C8orf34: variants seen among roughly 807,000 people sequenced by gnomAD.
C8orf34 encodes the protein uncharacterized protein C8orf34.
In C8orf34, 65 loss-of-function variants were observed where a neutral mutation model predicts 68.3. That is an observed-to-expected ratio of 0.95 (90% CI 0.78 to 1.17). The LOEUF (loss-of-function observed/expected upper bound fraction) is 1.17. Among genes scored for constraint, C8orf34 ranks in the 50% most tolerant of loss-of-function variants. The pLI, the probability that C8orf34 is intolerant of heterozygous loss-of-function variation, is 0.00. For missense variants in C8orf34, 664 were observed against 655.4 expected (o/e 1.01, Z -0.14); for synonymous variants, 244 against 241.2 (o/e 1.01, Z -0.11).
At chr8:68,733,822 A>C (rs1224469280) in intron 10 of C8orf34, among the ~76,000 whole-genome samples, 1 of 152,196 alleles carries the variant, frequency 6.6e-6, no homozygotes, top group Non-Finnish European at 1.5e-5. Flanking sequence ...ATATTGGGAC[A>C]TCTAGATTCA....
chr8:68,707,076 A>G (rs1448116834), intron 8 of C8orf34, among the ~76,000 whole-genome samples: 1 of 152,146 alleles, frequency 6.6e-6, no homozygotes, highest in Non-Finnish European at 1.5e-5. Flanking sequence ...AAAAACAAAA[A>G]GCAATTTAAC....
chr8:68,331,455 C>A, intron 1 of C8orf34, 116 bp downstream of exon 1: 1 of 1,190,254 alleles, frequency 8.4e-7, no homozygotes, highest in East Asian at 2.6e-5. Context: ...AGAACCAACG[C>A]GCGGGAGAGG....
intron 8 of C8orf34, among the ~76,000 whole-genome samples, chr8:68,669,315 A>G (rs1364612518): frequency 6.6e-6 from 1 of 152,102 alleles, no homozygotes; most frequent in African/African-American, 2.4e-5. Context: ...CCTCCTTTTC[A>G]ATTTTGCTGT....
At chr8:68,811,939 T>C (rs1209187574) in intron 12 of C8orf34, among the ~76,000 whole-genome samples, 2 of 152,160 alleles carry the variant, frequency 1.3e-5, no homozygotes, top group Non-Finnish European at 2.9e-5. Flanking sequence ...GAAATTTCAC[T>C]GTGTCCCTAA....
chr8:68,551,383 T>G (rs1816065999), intron 7 of C8orf34, among the ~76,000 whole-genome samples: 1 of 152,042 alleles, frequency 6.6e-6, no homozygotes, highest in African/African-American at 2.4e-5. Flanking sequence ...AATTTTGCTC[T>G]CTATGCTTTC....
chr8:68,577,966 T>C (rs1261556988), intron 7 of C8orf34, among the ~76,000 whole-genome samples: 1 of 151,894 alleles, frequency 6.6e-6, no homozygotes, highest in African/African-American at 2.4e-5. Context: ...TGTTGTCCTC[T>C]TCTGTGTACT....
chr8:68,781,643 G>C (rs1162275894), intron 11 of C8orf34, among the ~76,000 whole-genome samples: 2 of 152,138 alleles, frequency 1.3e-5, no homozygotes, highest in African/African-American at 4.8e-5. Flanking sequence ...TAGCCTTATG[G>C]GTTGAGCTTT....
At chr8:68,532,825 G>A (rs748510778) in intron 6 of C8orf34, among the ~76,000 whole-genome samples, 158 bp from the exon 7 acceptor site, 7 of 152,120 alleles carry the variant, frequency 4.6e-5, no homozygotes, top group Non-Finnish European at 8.8e-5. Flanking sequence ...CCTTAGTGAG[G>A]TACGGATGGG....
intron 11 of C8orf34, among the ~76,000 whole-genome samples, chr8:68,779,180 AACACACACACACACACACACAC>A (rs10550333): frequency 3.1e-4 from 43 of 139,244 alleles, no homozygotes; most frequent in Admixed American, 1.5e-3. Flanking sequence ...CTGTCTCTGA[AACACACACACACACACACACAC>A]ACACACACAC....
chr8:68,620,845 C>G (rs1818369273), intron 7 of C8orf34, among the ~76,000 whole-genome samples: 1 of 151,046 alleles, frequency 6.6e-6, no homozygotes, highest in Non-Finnish European at 1.5e-5. Flanking sequence ...CAGATTATTT[C>G]TAGAAAATAA....
chr8:68,640,311 T>C, intron 7 of C8orf34, 65 bp from the exon 8 acceptor site: 3 of 1,500,054 alleles, frequency 2.0e-6, no homozygotes, highest in South Asian at 1.2e-5. Context: ...CCTGAAAATA[T>C]GAATTTTTCT....
intron 11 of C8orf34, among the ~76,000 whole-genome samples, chr8:68,779,204 CACACACACACA>C (rs1823606581): frequency 6.6e-6 from 1 of 151,378 alleles, no homozygotes; most frequent in Non-Finnish European, 1.5e-5. Context: ...CACACACACA[CACACACACACA>C]CACACACACA....
chr8:68,380,251 T>A (rs1220936703), intron 1 of C8orf34, among the ~76,000 whole-genome samples: 1 of 152,198 alleles, frequency 6.6e-6, no homozygotes, highest in Non-Finnish European at 1.5e-5. Context: ...TGAATATGCC[T>A]TTAAATTAAA....
intron 1 of C8orf34, among the ~76,000 whole-genome samples, chr8:68,403,579 C>A (rs1007684884): frequency 1.3e-5 from 2 of 152,072 alleles, no homozygotes; most frequent in African/African-American, 4.8e-5. Flanking sequence ...GTTCCCTTCC[C>A]TGTGTCCATG....
intron 7 of C8orf34, among the ~76,000 whole-genome samples, chr8:68,554,031 T>C (rs1205204650): frequency 6.6e-6 from 1 of 152,128 alleles, no homozygotes; most frequent in Non-Finnish European, 1.5e-5. Flanking sequence ...TTAAATGTGC[T>C]CTTTTCTCTG....
intron 8 of C8orf34, among the ~76,000 whole-genome samples, chr8:68,667,342 T>C (rs1224576375): frequency 6.6e-6 from 1 of 152,194 alleles, no homozygotes; most frequent in Admixed American, 6.5e-5. Flanking sequence ...TTAGGTATCT[T>C]CTCTGATTTC....
chr8:68,417,357 A>T (rs1248496654), intron 1 of C8orf34, among the ~76,000 whole-genome samples: 1 of 152,064 alleles, frequency 6.6e-6, no homozygotes, highest in East Asian at 1.9e-4. Context: ...TGCCGTTTGT[A>T]ATAGCAAATT....
intron 7 of C8orf34, chr8:68,534,685 C>T (rs150413438): frequency 1.4e-5 from 14 of 985,178 alleles, no homozygotes; most frequent in African/African-American, 1.7e-5. Flanking sequence ...GGCTGTTTTG[C>T]GATTGTGCTC....
At chr8:68,797,931 AC>A (rs1243653705) in intron 12 of C8orf34, among the ~76,000 whole-genome samples, 1 of 152,112 alleles carries the variant, frequency 6.6e-6, no homozygotes, top group Non-Finnish European at 1.5e-5. Context: ...CTCACACAAC[AC>A]AAATATTTGT....
Sources: gnomAD v4.1 joint callset for allele counts (sites outside exome capture counted in the v4.1 genomes callset) on GRCh38, gnomAD v4.1.1 for gene constraint, MANE v1.5 for transcripts, NCBI Gene and HGNC (gene_info 2026-07-23, HGNC 2026-07-21) for gene names.